Variants in ZFP64 observed in about 807,000 individuals in gnomAD.
ZFP64 encodes zinc finger protein 64.
ZFP64 carries 14 observed loss-of-function variants against 51.6 expected under a neutral mutation model. The ratio of observed to expected loss-of-function variants is 0.27; its 90% CI spans 0.18 to 0.42. The LOEUF is 0.42. Ranked by LOEUF, ZFP64 falls within the 10% of genes least tolerant of loss-of-function variation. The pLI, the probability that ZFP64 is intolerant of heterozygous loss-of-function variation, is 1.00. For missense variants in ZFP64, 754 were observed against 906.8 expected (o/e 0.83, Z 2.16); for synonymous variants, 375 against 361.4 (o/e 1.04, Z -0.43).
chr20:52,105,207 G>A (rs1419384763), intron 5 of ZFP64: 18 of 1,425,556 alleles, frequency 1.3e-5, no homozygotes, highest in Non-Finnish European at 1.6e-5. Context: ...GAGTTGAGGT[G>A]CTGGGGCTTG....
chr20:52,108,359 G>T (rs142925058), intron 5 of ZFP64, among the ~76,000 whole-genome samples: 1 of 151,992 alleles, frequency 6.6e-6, no homozygotes, highest in Non-Finnish European at 1.5e-5. Flanking sequence ...TTCCATGTAG[G>T]TATAATAGTA....
At position 52,155,320 on chromosome 20, in the gene ZFP64, G is replaced by A. The variant is rs138748041; in HGVS notation, c.764-1892C>T. Among the ~76,000 whole-genome samples the A allele has an allele frequency of 7.3e-3, 1,111 of 152,240 alleles. 12 individuals carry two copies. Among genetic ancestry groups the A allele is most frequent in the African/African-American group, 0.025 (1,036 of 41,542 alleles). On this transcript the variant is annotated intron_variant, in intron 5 of 5. Transcript: ENST00000216923. ...TTGCCTGTTTTCATAATTGAAGGACGTGTCAAATTTTAATACAGGCTAGTG... is the reference window on the plus strand; with the variant it reads ...TTGCCTGTTTTCATAATTGAAGGACATGTCAAATTTTAATACAGGCTAGTG...
chr20:52,153,088 G>T lies in ZFP64; in HGVS notation c.1104C>A (p.Asp368Glu), dbSNP rs1183305161. ...LRIHERIHCT[D>E]RPFKCNYCSF... is the part of the protein sequence containing the mutation. ...TGCAGTAGTTGCACTTGAAAGGGCG[G>T]TCGGTGCAGTGGATACGCTCGTGGA... Residue 368 changes from aspartate (D) to glutamate (E), a missense_variant, in exon 6 of 6, where the codon GAC becomes GAA. Asp to Glu is a conservative substitution (Grantham distance 45). This residue lies in a region of ZFP64 where 428 missense variants were observed against 472.4 expected (regional missense o/e 0.91). Transcript: ENST00000216923. The surrounding 1 kb of genome is among the most constrained non-coding windows in gnomAD (Gnocchi z 5.1). The T allele has an allele frequency of 1.2e-6, 2 of 1,614,204 alleles. No homozygotes were observed. The highest frequency in any genetic ancestry group is 1.7e-6 in the Non-Finnish European group (2 of 1,180,040).
At chr20:52,102,698 CTGA>C (rs975081437) in intron 5 of ZFP64, among the ~76,000 whole-genome samples, 4 of 152,164 alleles carry the variant, frequency 2.6e-5, no homozygotes, top group African/African-American at 9.7e-5. Flanking sequence ...GGGAAACCAG[CTGA>C]TAAGTTTCAA....
intron 4 of ZFP64, among the ~76,000 whole-genome samples, chr20:52,162,319 C>G (rs569758882): frequency 6.8e-6 from 1 of 146,068 alleles, no homozygotes; most frequent in Non-Finnish European, 1.5e-5. Flanking sequence ...AAAAAATTAG[C>G]ATTTTTATTA....
At chr20:52,099,594 G>A (rs1233519972) in intron 5 of ZFP64, among the ~76,000 whole-genome samples, 1 of 152,174 alleles carries the variant, frequency 6.6e-6, no homozygotes, top group Non-Finnish European at 1.5e-5. Context: ...TTTGCTACAG[G>A]GGTTTTATAC....
rs937938056 is a variant in ZFP64, at chr20:52,191,441, G to A, written c.46+150C>T. 7.3e-5 allele frequency: 76 copies of A among 1,046,144 alleles called. No homozygotes were observed. In the African/African-American group the frequency reaches 1.0e-3, roughly 14 times the overall value. 64.8% of individuals were successfully genotyped at this position (1,046,144 alleles called of 1,614,324 possible). On this transcript the variant is annotated intron_variant, in intron 1 of 5. Transcript: ENST00000216923. The surrounding 1 kb of genome is among the most constrained non-coding windows in gnomAD (Gnocchi z 4.3). ...CACTCCGGCGCCCCCTGCACAGCGC[G>A]CCCGCCGCGGTCCCCGAGACGCGGC... is the stretch of plus-strand genomic sequence containing the variant.
intron 7 of ZFP64, among the ~76,000 whole-genome samples, chr20:52,093,275 G>A (rs1384349522): frequency 2.0e-5 from 3 of 152,074 alleles, no homozygotes; most frequent in East Asian, 3.9e-4. Context: ...TAAGTAGCTG[G>A]GATTACAGGC....
intron 5 of ZFP64, among the ~76,000 whole-genome samples, chr20:52,119,968 C>T (rs564144409): frequency 2.6e-5 from 4 of 152,116 alleles, no homozygotes; most frequent in Non-Finnish European, 4.4e-5. Flanking sequence ...TGCCTCCCCA[C>T]AATTCATATG....
intron 5 of ZFP64, among the ~76,000 whole-genome samples, chr20:52,123,055 A>T (rs1979272503): frequency 6.6e-6 from 1 of 151,874 alleles, no homozygotes; most frequent in South Asian, 2.1e-4. Context: ...TGGTGGTGCG[A>T]TCTTGGCTCA....
chr20:52,110,733 A>G (rs1409697821), intron 5 of ZFP64: 1 of 1,596,036 alleles, frequency 6.3e-7, no homozygotes, highest in East Asian at 2.2e-5. Flanking sequence ...TAACTGCCCC[A>G]GTACATGGGA....
chr20:52,144,473 G>A (rs369214303), intron 5 of ZFP64, among the ~76,000 whole-genome samples: 5 of 150,604 alleles, frequency 3.3e-5, no homozygotes, highest in African/African-American at 7.3e-5. Flanking sequence ...CCAGCTATTC[G>A]GGAGGCTGAG....
At chr20:52,124,590 A>G (rs1378400108) in intron 5 of ZFP64, among the ~76,000 whole-genome samples, 1 of 151,886 alleles carries the variant, frequency 6.6e-6, no homozygotes, top group East Asian at 1.9e-4. Flanking sequence ...AATATTGTAA[A>G]AAAGTAAACA....
At chr20:52,110,903 C>A (rs557073437) in intron 5 of ZFP64, 1 of 1,609,596 alleles carries the variant, frequency 6.2e-7, no homozygotes, top group African/African-American at 1.3e-5. Context: ...GAGTTTTCAG[C>A]AAGACGCCTG....
At chr20:52,186,550 T>A (rs931254033) in intron 2 of ZFP64, among the ~76,000 whole-genome samples, 10 of 151,200 alleles carry the variant, frequency 6.6e-5, no homozygotes, top group African/African-American at 2.4e-4. Flanking sequence ...CTGCCAGCCT[T>A]TTTTTTTTCC....
At chr20:52,105,407 G>A (rs566624237) in intron 5 of ZFP64, 2 of 1,224,618 alleles carry the variant, frequency 1.6e-6, no homozygotes, top group East Asian at 3.2e-5. Context: ...GATTGGCCTG[G>A]AGCCAAGACC....
At chr20:52,086,263 A>C (rs1256280868) in intron 8 of ZFP64, among the ~76,000 whole-genome samples, 1 of 152,202 alleles carries the variant, frequency 6.6e-6, no homozygotes, top group East Asian at 1.9e-4. Flanking sequence ...CAAACACTGC[A>C]CCAGGATTAC....
At chr20:52,165,455 GA>G in intron 3 of ZFP64, 1 of 460,772 alleles carries the variant, frequency 2.2e-6, no homozygotes, top group South Asian at 1.6e-5. Flanking sequence ...AACATTTGGG[GA>G]ATCTAGATGA....
chr20:52,119,725 G>A (rs1222356476), intron 5 of ZFP64, among the ~76,000 whole-genome samples: 2 of 150,978 alleles, frequency 1.3e-5, no homozygotes, highest in African/African-American at 2.4e-5. Flanking sequence ...GAAAGACTCT[G>A]TCTCAAAACA....
Sources: allele counts gnomAD v4.1 joint callset (sites outside exome capture counted in the v4.1 genomes callset), GRCh38; gene constraint gnomAD v4.1.1; regional missense constraint gnomAD v4.1.1; non-coding constraint Gnocchi (gnomAD v3.1); transcripts MANE v1.5; gene names NCBI Gene and HGNC (gene_info 2026-07-23, HGNC 2026-07-21).